The following CSMD1 variants were observed in gnomAD, a reference collection of about 807,000 sequenced individuals.
CSMD1 encodes the protein CUB and Sushi multiple domains 1.
CSMD1 carries 213 observed loss-of-function variants against 417.5 expected under a neutral mutation model. The ratio of observed to expected loss-of-function variants is 0.51; its 90% confidence interval spans 0.46 to 0.57. CSMD1 has a LOEUF of 0.57. Among genes scored for constraint, CSMD1 ranks in the 20% least tolerant of loss-of-function variants. CSMD1 has a pLI of 0.00. For synonymous variants in CSMD1, 2,862 were observed against 1,736.8 expected, an observed-to-expected ratio of 1.65 and a Z score of -16.11; for missense variants, 6,923 against 4,529.7, an observed-to-expected ratio of 1.53 and a Z score of -15.17.
At position 4,314,291 on chromosome 8, in the gene CSMD1, T is replaced by C. The variant is rs890485550; in HGVS notation, c.415+105662A>G. Among the ~76,000 whole-genome samples, 60 of 152,000 alleles carry C rather than the reference T, an allele frequency of 3.9e-4. 1 individual carries two copies. Among genetic ancestry groups the C allele is most frequent in the Non-Finnish European group, 1.6e-4 (11 of 68,018 alleles). On this transcript the variant is annotated intron_variant, in intron 3 of 69. Coordinates refer to ENST00000635120, the MANE Select transcript of CSMD1 (RefSeq NM_033225.6). ...TCTTAGTTACAATCGACAAAGTACA[T>C]AGGATTAAAGAAGAAGAAAATACAT...
At position 4,069,879 on chromosome 8, in the gene CSMD1, GTGTTTTGTTT is replaced by G. The variant is rs143102316; in HGVS notation, c.416-37790_416-37781del. 2.0e-4 allele frequency among the ~76,000 whole-genome samples: 31 copies of G among 152,102 alleles called. No individual in the cohort carries two copies. In the South Asian group the frequency reaches 4.6e-3, roughly 22 times the overall value. On this transcript the variant is annotated intron_variant, in intron 3 of 69. Transcript: ENST00000635120. ...TTCTATCCGGTACTGCAACAGTAAG[GTGTTTTGTTT>G]TGTTTTGTTTTGTTTTTGTTTTTTA...
chr8:4,758,068 G>A (rs190062227), intron 1 of CSMD1, among the ~76,000 whole-genome samples: 17 of 151,700 alleles, frequency 1.1e-4, no homozygotes, highest in Non-Finnish European at 2.2e-4. Flanking sequence ...TTCTCTCTGC[G>A]TTACTTTTCT....
rs1801491034 is a variant in CSMD1 at position 2,936,422 on chromosome 8, C to T, written c.*2163G>A. 1 of 151,056 alleles carries T rather than the reference C, an allele frequency of 6.6e-6. No individual in the cohort carries two copies. Among genetic ancestry groups the T allele is most frequent in the Admixed American group, 6.6e-5 (1 of 15,114 alleles). The allele number at this position is 151,056 out of a possible 1,614,324, so 9.4% of individuals were successfully genotyped here. ...ATATATACACTAATATGTATAGTAA[C>T]CCTGTTCTCCCTTGCACACGAGCCT... On this transcript the variant is annotated 3_prime_UTR_variant, in exon 70 of 70. Coordinates refer to ENST00000635120, the MANE Select transcript of CSMD1 (RefSeq NM_033225.6).
intron 1 of CSMD1, among the ~76,000 whole-genome samples, chr8:4,859,748 A>C (rs1373039063): frequency 3.3e-5 from 5 of 152,034 alleles, no homozygotes; most frequent in Admixed American, 6.6e-5. Flanking sequence ...ATCATTAAAA[A>C]GTCAGGAAAC....
intron 26 of CSMD1, among the ~76,000 whole-genome samples, chr8:3,267,310 C>G (rs1228039622): frequency 6.6e-6 from 1 of 152,204 alleles, no homozygotes; most frequent in Non-Finnish European, 1.5e-5. Context: ...TGATATCCCA[C>G]TGGGTCATAT....
chr8:4,170,936 G>T (rs1403520016), intron 3 of CSMD1, among the ~76,000 whole-genome samples: 1 of 151,832 alleles, frequency 6.6e-6, no homozygotes, highest in African/African-American at 2.4e-5. Flanking sequence ...TGTACAAGCT[G>T]TGTTACGCAA....
In CSMD1 at chr8:3,118,050, C is replaced by G. The variant is rs141468533; in HGVS notation, c.6430+349G>C. 4.1e-3 allele frequency among the ~76,000 whole-genome samples: 626 copies of G among 152,332 alleles called. 4 individuals carry two copies. The highest frequency in any genetic ancestry group is 0.015 in the African/African-American group (609 of 41,570). ...CCCTTTTTCCCTCTGGTCCTACAATCTGATATAACCACTGTAAAGCTGAAC... is the reference window on the plus strand; with the variant it reads ...CCCTTTTTCCCTCTGGTCCTACAATGTGATATAACCACTGTAAAGCTGAAC... On this transcript the variant is annotated intron_variant, in intron 42 of 69. Transcript: ENST00000635120.
chr8:3,507,422 G>A (rs6988038), intron 10 of CSMD1, among the ~76,000 whole-genome samples: 1 of 152,068 alleles, frequency 6.6e-6, no homozygotes, highest in Admixed American at 6.5e-5. Flanking sequence ...CATTTGGGTT[G>A]GTTCCAAGTC....
At chr8:4,474,579 C>T (rs952110333) in intron 2 of CSMD1, among the ~76,000 whole-genome samples, 1 of 152,120 alleles carries the variant, frequency 6.6e-6, no homozygotes, top group African/African-American at 2.4e-5. Context: ...TAAAGAGAAC[C>T]TTTAGGCGGT....
intron 26 of CSMD1, among the ~76,000 whole-genome samples, chr8:3,259,119 C>G (rs375027863): frequency 2.0e-5 from 3 of 152,116 alleles, no homozygotes; most frequent in Non-Finnish European, 2.9e-5. Context: ...TATGACAAGA[C>G]AAATTATTAT....
At chr8:4,182,046 GTGT>G (rs1798410811) in intron 3 of CSMD1, among the ~76,000 whole-genome samples, 13 of 146,074 alleles carry the variant, frequency 8.9e-5, no homozygotes, top group South Asian at 2.2e-4. Flanking sequence ...GTGTGTGTCG[GTGT>G]GTGTGTGTGT....
chr8:3,532,742 T>C (rs1798034472), intron 10 of CSMD1, among the ~76,000 whole-genome samples: 1 of 152,234 alleles, frequency 6.6e-6, no homozygotes. Context: ...GTCATATCTA[T>C]TGATCAATAT....
rs767063687 is a variant in CSMD1, at chr8:3,308,445, A to G, written c.3690T>C (p.Arg1230=). The G allele has an allele frequency of 1.1e-5, 18 of 1,613,806 alleles. No individual in the cohort carries two copies. The Admixed American group carries it at 2.7e-4, about 24-fold the overall frequency. The change falls in exon 24 of 70, where the codon CGT becomes CGC. Residue 1230 remains arginine, a synonymous_variant. Transcript: ENST00000635120. ...CAGTGTCGGTAAAGTGGCCTTCATC[A>G]CGGATCCTATAGCCGTAGTTAGGGA... ...PGIPNYGYRI[R]DEGHFTDTVV...
At chr8:3,087,033 G>C (rs1239458567) in intron 49 of CSMD1, 64 bp downstream of exon 49, 15 of 1,367,980 alleles carry the variant, frequency 1.1e-5, no homozygotes, top group South Asian at 2.4e-5. Flanking sequence ...TTTATTTTCA[G>C]AGAGTGATTA....
chr8:3,271,198 G>A lies in CSMD1; in HGVS notation c.4153+12946C>T, dbSNP rs182913135. ...GCGGTGTTTGGTTTTTTGTTCTTGC[G>A]ATAGTTTACTGAGAATGATGATTTC... On this transcript the variant is annotated intron_variant, in intron 26 of 69. Transcript: ENST00000635120. Among the ~76,000 whole-genome samples, 485 of 151,310 alleles carry A rather than the reference G, an allele frequency of 3.2e-3. 3 individuals carry two copies. The highest frequency in any genetic ancestry group is 4.7e-3 in the Non-Finnish European group (317 of 67,942).
chr8:3,402,822 TTTA>T (rs1490029986), intron 15 of CSMD1, among the ~76,000 whole-genome samples: 4 of 152,096 alleles, frequency 2.6e-5, no homozygotes, highest in Non-Finnish European at 5.9e-5. Context: ...AGGATCCTAA[TTTA>T]TTTTTGTTTT....
intron 3 of CSMD1, among the ~76,000 whole-genome samples, chr8:4,257,568 G>C (rs774811747): frequency 6.6e-6 from 1 of 152,112 alleles, no homozygotes; most frequent in African/African-American, 2.4e-5. Context: ...ATAAGAAATA[G>C]AGATTTATAA....
At chr8:3,872,711 TCTCA>T (rs1315010740) in intron 5 of CSMD1, among the ~76,000 whole-genome samples, 1 of 152,128 alleles carries the variant, frequency 6.6e-6, no homozygotes, top group Non-Finnish European at 1.5e-5. Flanking sequence ...AAGGCCTTGT[TCTCA>T]CTATTAACAG....
In CSMD1 at chr8:4,411,149, T is replaced by C. The variant is rs141497005; in HGVS notation, c.415+8804A>G. On this transcript the variant is annotated intron_variant, in intron 3 of 69. Transcript: ENST00000635120. The stretch of plus-strand genomic sequence containing the variant: ...CCTCCATAACCATGAGATACATCTC[T>C]TTCCTTTATAAATTACCCAGTCTCA... Among the ~76,000 whole-genome samples the C allele has an allele frequency of 5.4e-3, 828 of 152,276 alleles. 11 individuals are homozygous for C. The highest frequency in any genetic ancestry group is 0.019 in the African/African-American group (781 of 41,552).
Sources: allele counts gnomAD v4.1 joint callset (sites outside exome capture counted in the v4.1 genomes callset), GRCh38; gene constraint gnomAD v4.1.1; transcripts MANE v1.5; gene names NCBI Gene and HGNC (gene_info 2026-07-23, HGNC 2026-07-21).